GRM5: variants seen among roughly 807,000 people sequenced by gnomAD.
The protein encoded by GRM5 is glutamate metabotropic receptor 5, also known as metabotropic glutamate receptor 5.
A neutral mutation model predicts 83.1 loss-of-function variants in GRM5; 19 were observed. The ratio of observed to expected loss-of-function variants is 0.23; its 90% confidence interval spans 0.16 to 0.34. The LOEUF (loss-of-function observed/expected upper bound fraction) is 0.34, where lower values mean the gene tolerates loss of function less well. Ranked by LOEUF, GRM5 falls within the 10% of genes least tolerant of loss-of-function variation. The pLI, the probability that GRM5 is intolerant of heterozygous loss-of-function variation, is 1.00. For missense variants in GRM5, 1,160 were observed against 1,588.3 expected (o/e 0.73, Z 4.58); for synonymous variants, 675 against 633.6 (o/e 1.07, Z -0.98).
intron 3 of GRM5, among the ~76,000 whole-genome samples, chr11:88,847,509 G>C (rs1450359159): frequency 6.6e-6 from 1 of 152,112 alleles, no homozygotes; most frequent in Non-Finnish European, 1.5e-5. Flanking sequence ...GAAGAAGTTA[G>C]GATATTTCAA....
chr11:88,671,816 G>A (rs1022726676), intron 3 of GRM5, among the ~76,000 whole-genome samples: 1 of 152,050 alleles, frequency 6.6e-6, no homozygotes, highest in Admixed American at 6.6e-5. Flanking sequence ...TTGCTCACTG[G>A]AGCACTGGTA....
At chr11:89,063,149 C>G (rs1942030086) in intron 1 of GRM5, among the ~76,000 whole-genome samples, 1 of 152,222 alleles carries the variant, frequency 6.6e-6, no homozygotes, top group Non-Finnish European at 1.5e-5. Flanking sequence ...TCCGAGCCCT[C>G]GGGTGGTTTG....
intron 4 of GRM5, among the ~76,000 whole-genome samples, chr11:88,637,224 C>T (rs1050731188): frequency 6.6e-6 from 1 of 152,098 alleles, no homozygotes. Context: ...TAGGCATTAC[C>T]ATTCAGGACA....
chr11:88,642,279 A>G lies in GRM5; in HGVS notation c.1147+10889T>C, dbSNP rs557965337. Among the ~76,000 whole-genome samples the G allele has an allele frequency of 1.1e-4, 16 of 152,276 alleles. No homozygotes were observed. The East Asian group carries it at 3.1e-3, about 29-fold the overall frequency. ...CCTGGATGTGGGTAACAACATTCTG[A>G]GGCTGCAAAGGGCAGCAGGGTCCTG... On this transcript the variant is annotated intron_variant, in intron 4 of 9. Coordinates refer to ENST00000305447, the MANE Select transcript of GRM5 (RefSeq NM_001143831.3).
intron 2 of GRM5, among the ~76,000 whole-genome samples, chr11:88,972,055 G>A (rs1199217441): frequency 6.6e-6 from 1 of 152,102 alleles, no homozygotes; most frequent in Non-Finnish European, 1.5e-5. Flanking sequence ...GACAAGCACT[G>A]CCATCTTAAA....
intron 3 of GRM5, among the ~76,000 whole-genome samples, chr11:88,840,604 G>A (rs576640079): frequency 6.9e-4 from 105 of 152,238 alleles, no homozygotes; most frequent in South Asian, 5.6e-3. Flanking sequence ...AGGCTTGAGG[G>A]CTTTCAGGGC....
At chr11:88,719,916 T>A (rs1941494226) in intron 3 of GRM5, among the ~76,000 whole-genome samples, 1 of 152,098 alleles carries the variant, frequency 6.6e-6, no homozygotes, top group South Asian at 2.1e-4. Context: ...GGGTTGTTTG[T>A]CTTTTCCTTG....
intron 3 of GRM5, among the ~76,000 whole-genome samples, chr11:88,663,545 A>G (rs1435869616): frequency 6.6e-6 from 1 of 152,196 alleles, no homozygotes. Context: ...TGAATGAGCT[A>G]TTGTATCCAT....
chr11:88,626,177 G>C (rs1251119488), intron 4 of GRM5, among the ~76,000 whole-genome samples: 2 of 152,158 alleles, frequency 1.3e-5, no homozygotes, highest in Non-Finnish European at 2.9e-5. Flanking sequence ...GATAGAAAAT[G>C]GCAGAGAAGC....
Position 88,892,847 on chromosome 11 carries a change from T to C in GRM5, c.662-42692A>G, listed in dbSNP as rs189655427. ...TAGTTCTGGGCAATTATTCTGCAAATTCTGCCAGGTAATGAAAGTGAGTAG... is the reference window on the plus strand; with the variant it reads ...TAGTTCTGGGCAATTATTCTGCAAACTCTGCCAGGTAATGAAAGTGAGTAG... On this transcript the variant is annotated intron_variant, in intron 2 of 9. Coordinates refer to ENST00000305447, the MANE Select transcript of GRM5 (RefSeq NM_001143831.3). Among the ~76,000 whole-genome samples, 914 of 152,132 alleles carry C rather than the reference T, an allele frequency of 6.0e-3. 6 individuals carry two copies. Among genetic ancestry groups the C allele is most frequent in the Middle Eastern group, 0.017 (5 of 294 alleles).
At chr11:88,906,246 T>C (rs1175722539) in intron 2 of GRM5, among the ~76,000 whole-genome samples, 1 of 152,176 alleles carries the variant, frequency 6.6e-6, no homozygotes, top group African/African-American at 2.4e-5. Context: ...AGCACTTATA[T>C]TGGTCTATTT....
chr11:88,580,021 T>G (rs1194438428), intron 7 of GRM5, among the ~76,000 whole-genome samples: 6 of 152,176 alleles, frequency 3.9e-5, no homozygotes, highest in African/African-American at 1.4e-4. Flanking sequence ...CCAATGGGAT[T>G]TCTTTACTGA....
chr11:88,597,998 A>G (rs186563766), intron 5 of GRM5, among the ~76,000 whole-genome samples: 50 of 152,256 alleles, frequency 3.3e-4, no homozygotes, highest in African/African-American at 1.2e-3. Context: ...TAGAAATGTA[A>G]AAAGAGAAAA....
intron 3 of GRM5, among the ~76,000 whole-genome samples, chr11:88,774,847 C>T (rs919304502): frequency 2.6e-5 from 4 of 152,086 alleles, no homozygotes; most frequent in Non-Finnish European, 5.9e-5. Context: ...TTCAGTTTGC[C>T]AGTATTTTAT....
At chr11:88,915,136 T>C (rs973020081) in intron 2 of GRM5, among the ~76,000 whole-genome samples, 3 of 151,356 alleles carry the variant, frequency 2.0e-5, no homozygotes, top group African/African-American at 7.3e-5. Flanking sequence ...CTTTGTAGAA[T>C]AAAAAAAAAT....
intron 4 of GRM5, among the ~76,000 whole-genome samples, chr11:88,612,538 G>A (rs1264320355): frequency 9.9e-5 from 15 of 152,144 alleles, no homozygotes; most frequent in Admixed American, 9.2e-4. Context: ...CTGAGGAGTA[G>A]CCACACTGAC....
chr11:88,901,441 T>A (rs1238967038), intron 2 of GRM5, among the ~76,000 whole-genome samples: 1 of 152,150 alleles, frequency 6.6e-6, no homozygotes. Flanking sequence ...TCCAACCTAG[T>A]TCTTTCTGAC....
intron 2 of GRM5, among the ~76,000 whole-genome samples, chr11:88,861,579 C>T (rs1250083794): frequency 2.6e-5 from 4 of 152,112 alleles, no homozygotes; most frequent in African/African-American, 9.7e-5. Context: ...GATCCTCCCA[C>T]CTCAGCCTCC....
intron 8 of GRM5, among the ~76,000 whole-genome samples, chr11:88,563,772 G>T (rs985833505): frequency 1.3e-5 from 2 of 152,158 alleles, no homozygotes; most frequent in Non-Finnish European, 2.9e-5. Context: ...GAATTTATTT[G>T]TTTCCCATTA....
Sources: allele counts gnomAD v4.1 joint callset (sites outside exome capture counted in the v4.1 genomes callset), GRCh38; gene constraint gnomAD v4.1.1; transcripts MANE v1.5; gene names NCBI Gene and HGNC (gene_info 2026-07-23, HGNC 2026-07-21).